Variants in BLTP3B observed in about 807,000 individuals in gnomAD.
BLTP3B encodes the protein UHRF1 (ICBP90) binding protein 1-like.
chr12:100,120,944 G>GA, the BLTP3B span, among the ~76,000 whole-genome samples: 1 of 152,126 alleles, frequency 6.6e-6, no homozygotes, highest in Non-Finnish European at 1.5e-5. Flanking sequence ...ATCCACAATA[G>GA]AATAATCAGC....
chr12:100,062,615 A>C, the BLTP3B span, among the ~76,000 whole-genome samples: 1 of 152,240 alleles, frequency 6.6e-6, no homozygotes, highest in African/African-American at 2.4e-5. Context: ...AAAAGTACAG[A>C]TTATAGAATG....
chr12:100,134,816 A>G, the BLTP3B span, among the ~76,000 whole-genome samples: 3 of 152,270 alleles, frequency 2.0e-5, no homozygotes, highest in East Asian at 5.8e-4. Context: ...TCTCTTCTCT[A>G]TCAATCCACA....
At chr12:100,037,796 T>G in the BLTP3B span, 3 of 1,519,512 alleles carry the variant, frequency 2.0e-6, no homozygotes, top group Admixed American at 6.3e-5. Context: ...AATTTAATCA[T>G]TTCAGGAAAT....
chr12:100,055,659 A>G, the BLTP3B span, among the ~76,000 whole-genome samples: 1 of 149,558 alleles, frequency 6.7e-6, no homozygotes, highest in Non-Finnish European at 1.5e-5. Flanking sequence ...CCTGGGCAGC[A>G]AGAAAAAAAC....
the BLTP3B span, among the ~76,000 whole-genome samples, chr12:100,111,227 A>G: frequency 6.6e-6 from 1 of 152,012 alleles, no homozygotes; most frequent in African/African-American, 2.4e-5. Flanking sequence ...CAAGTATGTA[A>G]AAAATGCATC....
the BLTP3B span, among the ~76,000 whole-genome samples, chr12:100,089,859 A>G: frequency 6.6e-6 from 1 of 152,072 alleles, no homozygotes; most frequent in Non-Finnish European, 1.5e-5. Context: ...GTTGTGGGAG[A>G]GACCTGGTGG....
At chr12:100,052,790 G>GTTTTTTTTTTTTTTTTTTT in the BLTP3B span, among the ~76,000 whole-genome samples, 1 of 114,338 alleles carries the variant, frequency 8.7e-6, no homozygotes, top group African/African-American at 3.3e-5. Context: ...TTTCTTTTCT[G>GTTTTTTTTTTTTTTTTTTT]TTTTTTTTTT....
At chr12:100,047,686 T>A in the BLTP3B span, 1 of 1,361,294 alleles carries the variant, frequency 7.3e-7, no homozygotes, top group African/African-American at 1.5e-5. Flanking sequence ...TTCGGTCATA[T>A]TTTTAATGAG....
At chr12:100,109,271 T>C in the BLTP3B span, among the ~76,000 whole-genome samples, 2 of 150,750 alleles carry the variant, frequency 1.3e-5, no homozygotes, top group Non-Finnish European at 3.0e-5. Flanking sequence ...TGATTGTGAG[T>C]TTCCTGAGGC....
At chr12:100,080,236 C>T in the BLTP3B span, among the ~76,000 whole-genome samples, 1 of 152,126 alleles carries the variant, frequency 6.6e-6, no homozygotes. Context: ...GCACCATGTG[C>T]CTGGAAAAGG....
the BLTP3B span, among the ~76,000 whole-genome samples, chr12:100,139,609 TG>T: frequency 3.9e-5 from 6 of 152,186 alleles, no homozygotes; most frequent in African/African-American, 1.4e-4. Context: ...ACAGGGAAAC[TG>T]GTCATTCCCA....
chr12:100,086,231 T>C, the BLTP3B span: 1 of 1,272,902 alleles, frequency 7.9e-7, no homozygotes, highest in Non-Finnish European at 1.1e-6. Context: ...GCTATATAAT[T>C]TGAAAACAAC....
the BLTP3B span, chr12:100,050,372 T>G: frequency 6.8e-7 from 1 of 1,478,502 alleles, no homozygotes; most frequent in East Asian, 2.4e-5. Context: ...AAAACAAAAT[T>G]TAAGAAATAA....
chr12:100,072,498 G>A, the BLTP3B span, among the ~76,000 whole-genome samples: 1 of 152,182 alleles, frequency 6.6e-6, no homozygotes, highest in African/African-American at 2.4e-5. Context: ...CTTGAGCCTA[G>A]GAGTTTGAGA....
the BLTP3B span, chr12:100,048,018 A>T: frequency 6.2e-7 from 1 of 1,606,838 alleles, no homozygotes. Flanking sequence ...CTTCCAAAAA[A>T]TGTTGAATAT....
chr12:100,087,287 A>G, the BLTP3B span, among the ~76,000 whole-genome samples: 7 of 152,194 alleles, frequency 4.6e-5, no homozygotes, highest in Non-Finnish European at 1.0e-4. Context: ...CATAAAAATC[A>G]AATTTTAAAA....
the BLTP3B span, among the ~76,000 whole-genome samples, chr12:100,110,487 A>G: frequency 3.2e-4 from 49 of 152,288 alleles, no homozygotes; most frequent in East Asian, 7.9e-3. Context: ...TTAGAGCCAG[A>G]AGACAACACT....
chr12:100,138,423 C>T, the BLTP3B span, among the ~76,000 whole-genome samples: 31 of 152,324 alleles, frequency 2.0e-4, no homozygotes, highest in Non-Finnish European at 2.8e-4. Context: ...TTCTCAATCT[C>T]GGAACTACTG....
the BLTP3B span, among the ~76,000 whole-genome samples, chr12:100,092,114 A>G: frequency 6.6e-6 from 1 of 152,206 alleles, no homozygotes; most frequent in Non-Finnish European, 1.5e-5. Flanking sequence ...AATAATGTTA[A>G]TAACTCTTAA....
Sources: allele counts gnomAD v4.1 joint callset (sites outside exome capture counted in the v4.1 genomes callset), GRCh38; gene constraint gnomAD v4.1.1; transcripts MANE v1.5; gene names NCBI Gene and HGNC (gene_info 2026-07-23, HGNC 2026-07-21).